The following HEATR1 variants were observed in gnomAD, a reference collection of about 807,000 sequenced individuals.
HEATR1 encodes the protein HEAT repeat containing 1.
HEATR1 carries 77 observed loss-of-function variants against 248.2 expected under a neutral mutation model. The observed-to-expected ratio is 0.31, with a 90% CI of 0.26 to 0.37. The LOEUF (loss-of-function observed/expected upper bound fraction) is 0.37. Ranked by LOEUF, HEATR1 falls within the 10% of genes least tolerant of loss-of-function variation. The pLI, the probability that HEATR1 is intolerant of heterozygous loss-of-function variation, is 1.00. For synonymous variants in HEATR1, 897 were observed against 923.1 expected (o/e 0.97, Z 0.51); for missense variants, 2,420 against 2,504.9 (o/e 0.97, Z 0.72).
At chr1:236,577,326 T>C (rs1301561856) in intron 20 of HEATR1, among the ~76,000 whole-genome samples, 1 of 151,994 alleles carries the variant, frequency 6.6e-6, no homozygotes, top group African/African-American at 2.4e-5. Flanking sequence ...AATTTTGGTA[T>C]TGTTAGTAGA....
At chr1:236,598,791 T>C (rs1190156888) in intron 4 of HEATR1, among the ~76,000 whole-genome samples, 8 of 151,824 alleles carry the variant, frequency 5.3e-5, no homozygotes, top group Non-Finnish European at 1.5e-5. Context: ...CCCATTTGCC[T>C]CCCCCCCTAC....
intron 30 of HEATR1, 39 bp from the exon 31 acceptor site, chr1:236,566,084 G>A (rs753843949): frequency 5.0e-6 from 8 of 1,594,596 alleles, no homozygotes; most frequent in Admixed American, 3.4e-5. Flanking sequence ...TCTGTACTTA[G>A]GAATTGTGAA....
Position 236,557,257 on chromosome 1 carries a change from G to A in HEATR1, c.5293C>T (p.Gln1765Ter). ...VYLLSALAAL[Q>*]KVVETLPHFI... Reference sequence around the variant, plus strand: ...TGCGGGAGAGTCTCCACAACCTTCTGCAGAGCAGCCAAGGCACTGAGCAGG... The same window carrying A: ...TGCGGGAGAGTCTCCACAACCTTCTACAGAGCAGCCAAGGCACTGAGCAGG... The change falls in exon 37 of 45, where the codon CAG (glutamine) becomes TAG (stop). Residue 1765 changes from glutamine to a stop codon, truncating the protein, a stop_gained. Transcript: ENST00000366582. LOFTEE classifies it high-confidence loss of function. 6.2e-7 allele frequency: 1 copy of A among 1,614,186 alleles called. No homozygotes were observed. Among genetic ancestry groups the A allele is most frequent in the Non-Finnish European group, 8.5e-7 (1 of 1,180,030 alleles).
chr1:236,564,139 C>T (rs1021871775), intron 32 of HEATR1, among the ~76,000 whole-genome samples: 2 of 152,068 alleles, frequency 1.3e-5, no homozygotes, highest in African/African-American at 4.8e-5. Context: ...AAAATACAGG[C>T]AATTTATCTA....
Position 236,576,805 on chromosome 1 carries a change from G to A in HEATR1, c.2900C>T (p.Thr967Ile). 3.1e-6 allele frequency: 5 copies of A among 1,613,234 alleles called. No individual in the cohort carries two copies. Among genetic ancestry groups the A allele is most frequent in the Non-Finnish European group, 4.2e-6 (5 of 1,179,694 alleles). Residue 967 changes from threonine to isoleucine, a missense_variant, in exon 21 of 45, where the codon ACT (threonine) becomes ATT (isoleucine). Thr to Ile is a moderately conservative substitution (Grantham distance 89). Transcript: ENST00000366582. ...CTGAATAACATAGGCAGCATCTGAA[G>A]TGATCTCCTCTGCTTTAGAAATCAA... ...DHLISKAEEITSDAAYVIQDL... is the reference protein window; with the variant it reads ...DHLISKAEEIISDAAYVIQDL...
intron 25 of HEATR1, 77 bp downstream of exon 25, chr1:236,572,648 T>C: frequency 6.3e-7 from 1 of 1,596,024 alleles, no homozygotes; most frequent in Non-Finnish European, 8.6e-7. Flanking sequence ...TTGATGAGTA[T>C]CAAAAAGTTC....
Position 236,594,001 on chromosome 1 carries a change from T to C in HEATR1, c.1193+11A>G. On this transcript the variant is annotated intron_variant, in intron 9 of 44. Coordinates refer to ENST00000366582, the MANE Select transcript of HEATR1 (RefSeq NM_018072.6). ...ATGTAAATCAAAAGCATGTCAAAAA[T>C]AATAGCTTACCTAGCCAACAAATGG... 1 of 1,539,654 alleles carries C rather than the reference T, an allele frequency of 6.5e-7. No individual in the cohort carries two copies. Among genetic ancestry groups the C allele is most frequent in the East Asian group, 2.3e-5 (1 of 43,412 alleles).
In HEATR1 at chr1:236,587,928, C is replaced by A. The variant is rs372914717; in HGVS notation, c.1626+20G>T. The A allele has an allele frequency of 9.6e-6, 15 of 1,560,240 alleles. No homozygotes were observed. In the African/African-American group the frequency reaches 1.9e-4, roughly 20 times the overall value. On this transcript the variant is annotated intron_variant, in intron 13 of 44. Coordinates refer to ENST00000366582, the MANE Select transcript of HEATR1 (RefSeq NM_018072.6). The stretch of plus-strand genomic sequence containing the variant: ...AAATTTACAAAATTGTATACCTCAA[C>A]AAATGACAAATTCACTCACCTCAAA...
intron 36 of HEATR1, 27 bp from the exon 37 acceptor site, chr1:236,557,372 G>T: frequency 6.2e-7 from 1 of 1,610,242 alleles, no homozygotes; most frequent in South Asian, 1.1e-5. Context: ...AGCTTTAGAA[G>T]AACTTGAAGC....
At chr1:236,569,883 T>A (rs967748507) in intron 28 of HEATR1, among the ~76,000 whole-genome samples, 2 of 152,172 alleles carry the variant, frequency 1.3e-5, no homozygotes. Flanking sequence ...ACAACCCAAA[T>A]GTCCATCAAC....
chr1:236,592,955 G>A (rs1422174955), intron 9 of HEATR1, among the ~76,000 whole-genome samples: 1 of 152,194 alleles, frequency 6.6e-6, no homozygotes, highest in Non-Finnish European at 1.5e-5. Flanking sequence ...AGTACTTTGG[G>A]AGGCCAAGGT....
intron 4 of HEATR1, among the ~76,000 whole-genome samples, chr1:236,598,262 TTC>T (rs1360457056): frequency 3.3e-5 from 5 of 152,224 alleles, no homozygotes; most frequent in African/African-American, 1.2e-4. Context: ...ATTCTCTAGA[TTC>T]TTAGTAACTT....
At chr1:236,560,857 T>C (rs1010311527) in intron 33 of HEATR1, among the ~76,000 whole-genome samples, 1 of 152,236 alleles carries the variant, frequency 6.6e-6, no homozygotes. Flanking sequence ...AGACTTGACA[T>C]GGATCATGAT....
chr1:236,551,165 C>T (rs544814499), intron 44 of HEATR1, 175 bp from the exon 45 acceptor site: 2 of 562,428 alleles, frequency 3.6e-6, no homozygotes, highest in East Asian at 5.9e-5. Context: ...CCACACCGCT[C>T]CTTCCGCCTT....
chr1:236,587,127 T>C (rs1663909480), intron 14 of HEATR1, among the ~76,000 whole-genome samples: 1 of 152,120 alleles, frequency 6.6e-6, no homozygotes, highest in Non-Finnish European at 1.5e-5. Flanking sequence ...GTCCTACCCA[T>C]CTTACTTCCC....
At chr1:236,569,391 C>T (rs1035835806) in intron 28 of HEATR1, among the ~76,000 whole-genome samples, 1 of 151,952 alleles carries the variant, frequency 6.6e-6, no homozygotes, top group Non-Finnish European at 1.5e-5. Flanking sequence ...CTATGTTACC[C>T]AGGCTGGTCT....
chr1:236,572,882 G>C lies in HEATR1; in HGVS notation c.3460-54C>G, dbSNP rs536666861. 6 of 1,474,310 alleles carry C rather than the reference G, an allele frequency of 4.1e-6. No individual in the cohort carries two copies. In the African/African-American group the frequency reaches 5.5e-5, roughly 14 times the overall value. 91.3% of individuals were successfully genotyped at this position (1,474,310 alleles called of 1,614,324 possible). ...GATATAATCCATTGGGATAAAATTA[G>C]AGCAATAAATGTTAACCCCTAGGAA... On this transcript the variant is annotated intron_variant, in intron 24 of 44. Transcript: ENST00000366582.
chr1:236,562,832 T>C lies in HEATR1; in HGVS notation c.4600-1561A>G, dbSNP rs147863806. On this transcript the variant is annotated intron_variant, in intron 32 of 44. Coordinates refer to ENST00000366582, the MANE Select transcript of HEATR1 (RefSeq NM_018072.6). ...ATTTCCCCTGTAATATTTGTGCACATATTTTTGTCAGGCTTATTCTTGGTA... is the reference window on the plus strand; with the variant it reads ...ATTTCCCCTGTAATATTTGTGCACACATTTTTGTCAGGCTTATTCTTGGTA... Among the ~76,000 whole-genome samples, 23 of 152,344 alleles carry C rather than the reference T, an allele frequency of 1.5e-4. No individual in the cohort carries two copies. The East Asian group carries it at 4.4e-3, about 29-fold the overall frequency.
Position 236,582,819 on chromosome 1 carries a change from G to A in HEATR1, c.2479C>T (p.His827Tyr), listed in dbSNP as rs1663788430. 6.2e-7 allele frequency: 1 copy of A among 1,613,686 alleles called. No individual in the cohort carries two copies. The highest frequency in any genetic ancestry group is 1.1e-5 in the South Asian group (1 of 91,082). The change falls in exon 19 of 45, where the codon CAC (histidine) becomes TAC (tyrosine). Residue 827 changes from histidine to tyrosine, a missense_variant. Physicochemically the swap from His to Tyr is moderately conservative, Grantham distance 83. Transcript: ENST00000366582. ...QLKEDSRDYL[H>Y]LLIGLFEMML... ...ATCTCAAACAGCCCAATGAGCAAGT[G>A]CAGATAGTCCCTGCTGTCTTCTTTC... is the stretch of plus-strand genomic sequence containing the variant.
Sources: gnomAD v4.1 joint callset for allele counts (sites outside exome capture counted in the v4.1 genomes callset) on GRCh38, gnomAD v4.1.1 for gene constraint, MANE v1.5 for transcripts, NCBI Gene and HGNC (gene_info 2026-07-23, HGNC 2026-07-21) for gene names.